Variants in GATAD2B observed in about 807,000 individuals in gnomAD.
GATAD2B encodes GATA zinc finger domain containing 2B, also known as transcriptional repressor p66-beta.
GATAD2B carries 8 observed loss-of-function variants against 64.3 expected under a neutral mutation model. The ratio of observed to expected loss-of-function variants is 0.12; its 90% confidence interval spans 0.07 to 0.22. The LOEUF (loss-of-function observed/expected upper bound fraction) is 0.22, where lower values mean the gene tolerates loss of function less well. Ranked by LOEUF, GATAD2B falls within the 10% of genes least tolerant of loss-of-function variation. The pLI is 1.00. For missense variants in GATAD2B, 453 were observed against 752.0 expected (o/e 0.60, Z 4.65); for synonymous variants, 281 against 271.3 (o/e 1.04, Z -0.35).
chr1:153,866,540 T>A (rs1242339225), intron 1 of GATAD2B, among the ~76,000 whole-genome samples: 3 of 152,210 alleles, frequency 2.0e-5, no homozygotes, highest in Admixed American at 6.5e-5. Context: ...GCAAACCAGA[T>A]GGCTGAGCTC....
intron 1 of GATAD2B, among the ~76,000 whole-genome samples, chr1:153,882,423 T>A (rs1677036052): frequency 6.6e-6 from 1 of 152,168 alleles, no homozygotes; most frequent in African/African-American, 2.4e-5. Flanking sequence ...ATTTTTCTTT[T>A]TTCCTGAAGC....
At chr1:153,867,717 G>A (rs187024272) in intron 1 of GATAD2B, among the ~76,000 whole-genome samples, 66 of 151,554 alleles carry the variant, frequency 4.4e-4, no homozygotes, top group Non-Finnish European at 8.8e-4. Context: ...AATACAAGCC[G>A]GGCATGGTGG....
chr1:153,904,862 A>C (rs982165214), intron 1 of GATAD2B, among the ~76,000 whole-genome samples: 2 of 152,050 alleles, frequency 1.3e-5, no homozygotes, highest in Admixed American at 6.6e-5. Context: ...GCCTGCCACC[A>C]CATCTGGCTA....
chr1:153,895,182 G>T (rs1270355460), intron 1 of GATAD2B, among the ~76,000 whole-genome samples: 2 of 150,996 alleles, frequency 1.3e-5, no homozygotes, highest in Admixed American at 1.3e-4. Flanking sequence ...CAAACAAAAA[G>T]TTAGCTGGGC....
intron 8 of GATAD2B, 55 bp from the exon 9 acceptor site, chr1:153,812,187 T>C: frequency 1.1e-6 from 1 of 877,516 alleles, no homozygotes; most frequent in Non-Finnish European, 1.7e-6. Flanking sequence ...AATACCCAAT[T>C]TCCTTTTTTT....
chr1:153,901,084 T>C (rs1022614133), intron 1 of GATAD2B, among the ~76,000 whole-genome samples: 5 of 152,014 alleles, frequency 3.3e-5, no homozygotes, highest in Non-Finnish European at 5.9e-5. Flanking sequence ...TGTGGTGGCC[T>C]GTGCCTGTAA....
Position 153,809,373 on chromosome 1 carries a change from G to A in GATAD2B, c.*804C>T, listed in dbSNP as rs1317340673. 1 of 152,212 alleles carries A rather than the reference G, an allele frequency of 6.6e-6. No individual in the cohort carries two copies. The highest frequency in any genetic ancestry group is 2.4e-5 in the African/African-American group (1 of 41,386). The allele number at this position is 152,212 out of a possible 1,614,324, so 9.4% of individuals were successfully genotyped here. On this transcript the variant is annotated 3_prime_UTR_variant, in exon 11 of 11. Coordinates refer to ENST00000368655, the MANE Select transcript of GATAD2B (RefSeq NM_020699.4). ...GCAGGACCTAGTTTCAATCCTCCCT[G>A]GCTCATAATTGAGCCCATCTTCATA...
chr1:153,883,933 C>G (rs528936077), intron 1 of GATAD2B, among the ~76,000 whole-genome samples: 1 of 152,310 alleles, frequency 6.6e-6, no homozygotes, highest in Admixed American at 6.5e-5. Flanking sequence ...AGACCCTACT[C>G]TTTTCAGCTA....
intron 1 of GATAD2B, among the ~76,000 whole-genome samples, chr1:153,885,248 T>A (rs1432106349): frequency 6.6e-6 from 1 of 151,950 alleles, no homozygotes; most frequent in East Asian, 1.9e-4. Flanking sequence ...GCCTTGCCAA[T>A]CTCCACTTTA....
At chr1:153,821,919 C>T (rs1674698475) in intron 2 of GATAD2B, among the ~76,000 whole-genome samples, 1 of 151,900 alleles carries the variant, frequency 6.6e-6, no homozygotes, top group Admixed American at 6.6e-5. Flanking sequence ...CCTTTATACT[C>T]CCCCTCTATG....
intron 1 of GATAD2B, among the ~76,000 whole-genome samples, chr1:153,844,117 C>G (rs554424927): frequency 6.6e-6 from 1 of 152,138 alleles, no homozygotes; most frequent in South Asian, 2.1e-4. Context: ...GAGAAAGTCT[C>G]AGAAGCCCAG....
At chr1:153,819,290 G>C (rs2101882722) in intron 3 of GATAD2B, among the ~76,000 whole-genome samples, 1 of 152,328 alleles carries the variant, frequency 6.6e-6, no homozygotes, top group South Asian at 2.1e-4. Context: ...CAGTTACTTA[G>C]GTTAGAGTGC....
At chr1:153,887,634 T>A (rs2101945799) in intron 1 of GATAD2B, among the ~76,000 whole-genome samples, 1 of 152,226 alleles carries the variant, frequency 6.6e-6, no homozygotes, top group Admixed American at 6.6e-5. Context: ...AGACAAGGTT[T>A]CGCTGTGTTG....
chr1:153,914,663 G>A (rs905405879), intron 1 of GATAD2B: 8 of 152,244 alleles, frequency 5.3e-5, no homozygotes, highest in African/African-American at 1.9e-4. Flanking sequence ...GCTGGGTGTA[G>A]TGGTTCACAC....
rs1260362431 is a variant in GATAD2B, at chr1:153,815,297, A to AAG, written c.1216+975_1216+976insCT. Among the ~76,000 whole-genome samples the AAG allele has an allele frequency of 4.9e-4, 73 of 148,698 alleles. 1 individual carries two copies. The highest frequency in any genetic ancestry group is 9.0e-4 in the Non-Finnish European group (60 of 66,860). ...CAAAAAAACAAAAAAAAAAAACAAA[A>AAG]AAAAAAAAAAGAAAAGAGAAGTTCT... On this transcript the variant is annotated intron_variant, in intron 7 of 10. Transcript: ENST00000368655.
intron 1 of GATAD2B, among the ~76,000 whole-genome samples, chr1:153,904,279 C>CAAATAAATAAATAAAT (rs71093301): frequency 3.4e-5 from 5 of 147,246 alleles, no homozygotes; most frequent in African/African-American, 1.3e-4. Flanking sequence ...AACTCCATCT[C>CAAATAAATAAATAAAT]AAATAAATAA....
intron 1 of GATAD2B, among the ~76,000 whole-genome samples, chr1:153,897,175 G>A (rs1677623993): frequency 6.6e-6 from 1 of 151,818 alleles, no homozygotes. Flanking sequence ...GATTACAGGT[G>A]CCCGCCACCT....
In GATAD2B at chr1:153,816,400, T is replaced by C. The variant is rs896320566; in HGVS notation, c.1089A>G (p.Thr363=). ...GTTTAGGGGGTGGGATCTCCAGGAGTGTCTTTTCCAGCTGTTTGCGAAGAG... is the reference window on the plus strand; with the variant it reads ...GTTTAGGGGGTGGGATCTCCAGGAGCGTCTTTTCCAGCTGTTTGCGAAGAG... ...KLALRKQLEK[T]LLEIPPPKPP... is the part of the protein sequence containing the mutation. The change falls in exon 7 of 11, where the codon ACA becomes ACG. Residue 363 remains threonine, a synonymous_variant. Transcript: ENST00000368655. The surrounding 1 kb of genome is among the most constrained non-coding windows in gnomAD (Gnocchi z 4.9). 1.2e-6 allele frequency: 2 copies of C among 1,613,658 alleles called. No individual in the cohort carries two copies. Among genetic ancestry groups the C allele is most frequent in the Non-Finnish European group, 8.5e-7 (1 of 1,179,898 alleles).
At chr1:153,865,046 G>C (rs1033031763) in intron 1 of GATAD2B, among the ~76,000 whole-genome samples, 3 of 152,062 alleles carry the variant, frequency 2.0e-5, no homozygotes, top group African/African-American at 7.2e-5. Context: ...CTCCAGCCTG[G>C]GTGACAGAGA....
Sources: gnomAD v4.1 joint callset for allele counts (sites outside exome capture counted in the v4.1 genomes callset) on GRCh38, gnomAD v4.1.1 for gene constraint, Gnocchi (gnomAD v3.1) non-coding constraint, MANE v1.5 for transcripts, NCBI Gene and HGNC (gene_info 2026-07-23, HGNC 2026-07-21) for gene names.